Variants in KCNK9 observed in about 807,000 individuals in gnomAD.
The protein encoded by KCNK9 is potassium channel subfamily K member 9.
KCNK9 carries 1 observed loss-of-function variant against 10.8 expected under a neutral mutation model. That is an observed-to-expected ratio of 0.09 (90% confidence interval 0.03 to 0.44). KCNK9 has a LOEUF of 0.44. Among genes scored for constraint, KCNK9 ranks in the 20% least tolerant of loss-of-function variants. KCNK9 has a pLI of 0.97. For synonymous variants in KCNK9, 231 were observed against 222.7 expected, an observed-to-expected ratio of 1.04 and a Z score of -0.33; for missense variants, 303 against 515.0, an observed-to-expected ratio of 0.59 and a Z score of 3.98.
At chr8:139,700,384 G>A (rs925538502) in intron 1 of KCNK9, among the ~76,000 whole-genome samples, 6 of 152,114 alleles carry the variant, frequency 3.9e-5, no homozygotes, top group Admixed American at 3.3e-4. Context: ...CACTATGGCC[G>A]AATTCAGATT....
chr8:139,657,891 G>A (rs1370959373), intron 1 of KCNK9, among the ~76,000 whole-genome samples: 1 of 152,178 alleles, frequency 6.6e-6, no homozygotes. Context: ...TCCAGGCAGA[G>A]AACATGGCTG....
Position 139,626,878 on chromosome 8 carries a change from C to T in KCNK9, c.284-7779G>A, listed in dbSNP as rs546520490. ...AGGAGCAGGCTGGAGAAGAGAGCTG[C>T]CCTTGGGCCTCAGGCTTCCCACCTG... On this transcript the variant is annotated intron_variant, in intron 1 of 1. Coordinates refer to ENST00000520439, the MANE Select transcript of KCNK9 (RefSeq NM_001282534.2). 3.9e-5 allele frequency among the ~76,000 whole-genome samples: 6 copies of T among 152,336 alleles called. No homozygotes were observed. In the East Asian group the frequency reaches 1.2e-3, roughly 29 times the overall value.
intron 1 of KCNK9, among the ~76,000 whole-genome samples, chr8:139,673,640 G>C (rs1816486766): frequency 6.6e-6 from 1 of 152,218 alleles, no homozygotes; most frequent in Non-Finnish European, 1.5e-5. Context: ...AGACTGCAAA[G>C]AGAAAGAAAA....
chr8:139,621,918 G>A (rs1326649421), intron 1 of KCNK9, among the ~76,000 whole-genome samples: 2 of 152,214 alleles, frequency 1.3e-5, no homozygotes, highest in African/African-American at 4.8e-5. Context: ...ATATTTACTG[G>A]AAGAAATCAC....
chr8:139,664,215 G>A (rs1172318412), intron 1 of KCNK9, among the ~76,000 whole-genome samples: 5 of 152,192 alleles, frequency 3.3e-5, no homozygotes, highest in African/African-American at 1.2e-4. Flanking sequence ...CAGGTCCTTC[G>A]TCTCCTCACC....
At chr8:139,683,467 G>A (rs181863377) in intron 1 of KCNK9, among the ~76,000 whole-genome samples, 1 of 152,364 alleles carries the variant, frequency 6.6e-6, no homozygotes, top group East Asian at 1.9e-4. Flanking sequence ...AAATGAAGCA[G>A]CTGGTGGCCT....
intron 1 of KCNK9, among the ~76,000 whole-genome samples, chr8:139,635,161 A>G (rs1052167836): frequency 1.4e-4 from 21 of 152,364 alleles, no homozygotes; most frequent in African/African-American, 4.1e-4. Flanking sequence ...CTCCACATCA[A>G]AAATTGTTTA....
intron 1 of KCNK9, among the ~76,000 whole-genome samples, chr8:139,675,052 T>C (rs1049222060): frequency 1.3e-5 from 2 of 152,258 alleles, no homozygotes; most frequent in African/African-American, 4.8e-5. Context: ...CCTGGCTCTC[T>C]ACTTTTTGGC....
At chr8:139,679,907 G>A (rs13271549) in intron 1 of KCNK9, among the ~76,000 whole-genome samples, 56,380 of 152,062 alleles carry the variant, frequency 0.37, 12,277 homozygotes, top group Non-Finnish European at 0.49. Flanking sequence ...CAGCCTGGGT[G>A]CCTTTCTCAT....
At chr8:139,629,487 G>A (rs866093427) in intron 1 of KCNK9, among the ~76,000 whole-genome samples, 1 of 152,206 alleles carries the variant, frequency 6.6e-6, no homozygotes, top group Non-Finnish European at 1.5e-5. Context: ...AAACAAACGT[G>A]GTCCATGTGT....
At chr8:139,631,547 G>GC (rs1294403459) in intron 1 of KCNK9, among the ~76,000 whole-genome samples, 1 of 152,182 alleles carries the variant, frequency 6.6e-6, no homozygotes, top group Admixed American at 6.5e-5. Flanking sequence ...AGAGAAACCT[G>GC]CATTTTCCTG....
intron 1 of KCNK9, among the ~76,000 whole-genome samples, chr8:139,692,374 C>T (rs1190902435): frequency 6.6e-6 from 1 of 152,236 alleles, no homozygotes; most frequent in Non-Finnish European, 1.5e-5. Context: ...TGAAGCCATT[C>T]TTGGATGTGA....
At chr8:139,682,115 A>T (rs1167759775) in intron 1 of KCNK9, among the ~76,000 whole-genome samples, 3 of 152,206 alleles carry the variant, frequency 2.0e-5, no homozygotes, top group Admixed American at 6.5e-5. Flanking sequence ...TCCGAATGGG[A>T]CCACCCACCT....
At chr8:139,658,508 G>T (rs1816074789) in intron 1 of KCNK9, among the ~76,000 whole-genome samples, 1 of 152,150 alleles carries the variant, frequency 6.6e-6, no homozygotes, top group Non-Finnish European at 1.5e-5. Context: ...CCTAGCCACT[G>T]GTACCCTTTT....
intron 1 of KCNK9, among the ~76,000 whole-genome samples, chr8:139,701,363 AG>A (rs1469073943): frequency 2.0e-5 from 3 of 152,272 alleles, no homozygotes; most frequent in African/African-American, 7.2e-5. Context: ...CTCTCTAAAA[AG>A]TATTTTCAAC....
rs1000617376 is a variant in KCNK9 at position 139,618,158 on chromosome 8, CAAT to C, written c.*97_*99del. On this transcript the variant is annotated 3_prime_UTR_variant, in exon 2 of 2. Coordinates refer to ENST00000520439, the MANE Select transcript of KCNK9 (RefSeq NM_001282534.2). The surrounding 1 kb of genome is among the most constrained non-coding windows in gnomAD (Gnocchi z 7.9). Reference sequence around the variant, plus strand: ...GAAGGAGAGAAAGTAATAATGATGACAATAATAATAATAAATAAATAAGAAAAG... The same window carrying C: ...GAAGGAGAGAAAGTAATAATGATGACAATAATAATAAATAAATAAGAAAAG... 29 of 1,448,750 alleles carry C rather than the reference CAAT, an allele frequency of 2.0e-5. No homozygotes were observed. The highest frequency in any genetic ancestry group is 2.4e-5 in the Non-Finnish European group (25 of 1,048,444). 89.7% of individuals were successfully genotyped at this position (1,448,750 alleles called of 1,614,324 possible).
At position 139,689,792 on chromosome 8, in the gene KCNK9, G is replaced by A. The variant is rs533601083; in HGVS notation, c.283+12918C>T. Among the ~76,000 whole-genome samples the A allele has an allele frequency of 6.6e-5, 10 of 152,086 alleles. No homozygotes were observed. In the East Asian group the frequency reaches 9.7e-4, roughly 15 times the overall value. On this transcript the variant is annotated intron_variant, in intron 1 of 1. Coordinates refer to ENST00000520439, the MANE Select transcript of KCNK9 (RefSeq NM_001282534.2). ...CGAATAGCTGGGACTACAGGCGCCC[G>A]CCACCATGCCTGGCTAATTTTTTGT...
At chr8:139,671,460 G>A (rs1037815132) in intron 1 of KCNK9, among the ~76,000 whole-genome samples, 9 of 151,980 alleles carry the variant, frequency 5.9e-5, no homozygotes, top group Non-Finnish European at 1.0e-4. Flanking sequence ...GGCCAGCATT[G>A]AGCCCGTGCC....
rs1280221479 is a variant in KCNK9 at position 139,693,487 on chromosome 8, C to G, written c.283+9223G>C. Among the ~76,000 whole-genome samples the G allele has an allele frequency of 6.6e-6, 1 of 152,106 alleles. No individual in the cohort carries two copies. Among genetic ancestry groups the G allele is most frequent in the Non-Finnish European group, 1.5e-5 (1 of 68,034 alleles). On this transcript the variant is annotated intron_variant, in intron 1 of 1. Transcript: ENST00000520439. The surrounding 1 kb of genome is among the most constrained non-coding windows in gnomAD (Gnocchi z 4.1). ...TGCTCAGCTCTCAGCTGCTCCTGCT[C>G]TCGGGGAGCCAGGAGTACCAGCCAG...
Sources: allele counts gnomAD v4.1 joint callset (sites outside exome capture counted in the v4.1 genomes callset), GRCh38; gene constraint gnomAD v4.1.1; non-coding constraint Gnocchi (gnomAD v3.1); transcripts MANE v1.5; gene names NCBI Gene and HGNC (gene_info 2026-07-23, HGNC 2026-07-21).